Variants in CDK2AP1 observed in about 807,000 individuals in gnomAD.
The protein encoded by CDK2AP1 is cyclin dependent kinase 2 associated protein 1.
A neutral mutation model predicts 14.1 loss-of-function variants in CDK2AP1; 10 were observed. The ratio of observed to expected loss-of-function variants is 0.71; its 90% CI spans 0.44 to 1.20. The LOEUF is 1.20. CDK2AP1 is among the 50% of genes most tolerant of loss of function. The pLI is 0.00. For synonymous variants in CDK2AP1, 59 were observed against 59.8 expected, an observed-to-expected ratio of 0.99 and a Z score of 0.06; for missense variants, 102 against 149.9, an observed-to-expected ratio of 0.68 and a Z score of 1.67.
intron 3 of CDK2AP1, among the ~76,000 whole-genome samples, chr12:123,264,258 A>G (rs1163925057): frequency 6.6e-6 from 1 of 152,172 alleles, no homozygotes; most frequent in African/African-American, 2.4e-5. Flanking sequence ...TGGGAGTTCA[A>G]GACCAGGCTG....
At chr12:123,263,815 C>T (rs2048258450) in intron 3 of CDK2AP1, among the ~76,000 whole-genome samples, 1 of 152,232 alleles carries the variant, frequency 6.6e-6, no homozygotes, top group Non-Finnish European at 1.5e-5. Flanking sequence ...AAGAAAGTTC[C>T]TCTCCCAGGC....
chr12:123,261,814 G>C lies in CDK2AP1; in HGVS notation c.281-11C>G. The C allele has an allele frequency of 6.2e-7, 1 of 1,604,038 alleles. No homozygotes were observed. Among genetic ancestry groups the C allele is most frequent in the Non-Finnish European group, 8.5e-7 (1 of 1,170,696 alleles). On this transcript the variant is annotated splice_polypyrimidine_tract_variant and intron_variant, in intron 3 of 3. Coordinates refer to ENST00000261692, the MANE Select transcript of CDK2AP1 (RefSeq NM_004642.4). ...TAGCGTGAATGATGCCTGAAACAGAGGCAGAGACCTGAGGTCAGCAAGTGC... is the reference window on the plus strand; with the variant it reads ...TAGCGTGAATGATGCCTGAAACAGACGCAGAGACCTGAGGTCAGCAAGTGC...
Position 123,264,462 on chromosome 12 carries a change from CA to C in CDK2AP1, c.280+733del, listed in dbSNP as rs1167157405. Among the ~76,000 whole-genome samples, 628 of 69,754 alleles carry C rather than the reference CA, an allele frequency of 9.0e-3. 2 individuals are homozygous for C. The highest frequency in any genetic ancestry group is 0.061 in the East Asian group (161 of 2,634). 45.8% of individuals were successfully genotyped at this position (69,754 alleles called of 152,430 possible). Reference sequence around the variant, plus strand: ...GCAACAAGAGTAAAACTCCGTCTCCCAAAAAAAAAAAAAAAAAAAAAAAAAA... The same window carrying C: ...GCAACAAGAGTAAAACTCCGTCTCCCAAAAAAAAAAAAAAAAAAAAAAAAA... On this transcript the variant is annotated intron_variant, in intron 3 of 3. Transcript: ENST00000261692.
chr12:123,264,309 A>C (rs919763691), intron 3 of CDK2AP1, among the ~76,000 whole-genome samples: 1 of 151,186 alleles, frequency 6.6e-6, no homozygotes, highest in African/African-American at 2.4e-5. Context: ...AAATACAAAA[A>C]ATTAGACAGG....
In CDK2AP1 at chr12:123,271,578, G is replaced by C; in HGVS notation, c.41C>G (p.Ala14Gly). The change falls in exon 1 of 4, where the codon GCC (alanine) becomes GGC (glycine). Residue 14 changes from alanine (A) to glycine (G), a missense_variant. Transcript: ENST00000261692. ...KPNLAAHMPA[A>G]ALNAAGSVHS... ...GGCTCACTCACCGGCGTTGAGGGCG[G>C]CGGCGGGCATGTGCGCGGCCAAGTT... 9.9e-7 allele frequency: 1 copy of C among 1,011,168 alleles called. No individual in the cohort carries two copies. Among genetic ancestry groups the C allele is most frequent in the Middle Eastern group, 4.1e-4 (1 of 2,450 alleles). 62.6% of individuals were successfully genotyped at this position (1,011,168 alleles called of 1,614,324 possible).
In CDK2AP1 at chr12:123,263,225, AAC is replaced by A. The variant is rs2048252213; in HGVS notation, c.281-1424_281-1423del. Among the ~76,000 whole-genome samples the A allele has an allele frequency of 1.3e-4, 20 of 151,082 alleles. 3 individuals are homozygous for A. The highest frequency in any genetic ancestry group is 1.3e-4 in the Non-Finnish European group (9 of 67,758). On this transcript the variant is annotated intron_variant, in intron 3 of 3. Transcript: ENST00000261692. ...GACTCTGTCTCAAAAAAAAAAAAAA[AAC>A]AAAAAAAAACCACTATTCTTGGCTC...
chr12:123,267,872 C>T (rs75529277), intron 1 of CDK2AP1: 7,464 of 154,014 alleles, frequency 0.048, 323 homozygotes, highest in East Asian at 0.26. Context: ...CCCTCAACCC[C>T]TCTGTGCCTG....
In CDK2AP1 at chr12:123,263,113, C is replaced by G. The variant is rs571631558; in HGVS notation, c.281-1310G>C. Among the ~76,000 whole-genome samples the G allele has an allele frequency of 3.0e-3, 449 of 150,240 alleles. 2 individuals are homozygous for G. Among genetic ancestry groups the G allele is most frequent in the Non-Finnish European group, 4.6e-3 (311 of 67,788 alleles). Reference sequence around the variant, plus strand: ...CCTATAATCCCAGCTACTCGGGAGGCTGAGGCAGAACTGCTTGAACCCGGG... The same window carrying G: ...CCTATAATCCCAGCTACTCGGGAGGGTGAGGCAGAACTGCTTGAACCCGGG... On this transcript the variant is annotated intron_variant, in intron 3 of 3. Transcript: ENST00000261692.
intron 1 of CDK2AP1, among the ~76,000 whole-genome samples, chr12:123,269,854 G>A (rs1350784260): frequency 6.6e-6 from 1 of 152,152 alleles, no homozygotes; most frequent in African/African-American, 2.4e-5. Context: ...GCAAATGGCA[G>A]GAGGGGAGCT....
chr12:123,266,207 G>C (rs565235681), intron 2 of CDK2AP1, among the ~76,000 whole-genome samples: 1 of 152,136 alleles, frequency 6.6e-6, no homozygotes, highest in South Asian at 2.1e-4. Flanking sequence ...TCCTGTCCTC[G>C]TCCTGCTCCG....
Position 123,271,679 on chromosome 12 carries a change from G to C in CDK2AP1, c.-61C>G. ...CCAGGCCGCGAGGGCGGCGGCGGCG[G>C]CGGCGAGGCCGGGCGGTAGCGCTGC... On this transcript the variant is annotated 5_prime_UTR_variant, in exon 1 of 4. Coordinates refer to ENST00000261692, the MANE Select transcript of CDK2AP1 (RefSeq NM_004642.4). The C allele has an allele frequency of 1.5e-6, 1 of 686,252 alleles. No homozygotes were observed. Among genetic ancestry groups the C allele is most frequent in the Non-Finnish European group, 1.8e-6 (1 of 559,416 alleles). The allele number at this position is 686,252 out of a possible 1,614,324, so 42.5% of individuals were successfully genotyped here.
At chr12:123,263,026 C>A (rs2048248771) in intron 3 of CDK2AP1, among the ~76,000 whole-genome samples, 2 of 151,724 alleles carry the variant, frequency 1.3e-5, no homozygotes. Context: ...CCAGCCTGGC[C>A]AACATGGTAC....
rs2048354825 is a variant in CDK2AP1 at position 123,271,660 on chromosome 12, CGCGAGGGCGGCGGCGGCGGCG to C, written c.-63_-43del. ...CGCGCCGGGCGCGGCGGGGCCAGGCCGCGAGGGCGGCGGCGGCGGCGGCGAGGCCGGGCGGTAGCGCTGCAG... is the reference window on the plus strand; with the variant it reads ...CGCGCCGGGCGCGGCGGGGCCAGGCCGCGAGGCCGGGCGGTAGCGCTGCAG... On this transcript the variant is annotated 5_prime_UTR_variant, in exon 1 of 4. Coordinates refer to ENST00000261692, the MANE Select transcript of CDK2AP1 (RefSeq NM_004642.4). The C allele has an allele frequency of 2.3e-6, 2 of 879,192 alleles. No individual in the cohort carries two copies. The highest frequency in any genetic ancestry group is 1.8e-5 in the African/African-American group (1 of 54,388). The allele number at this position is 879,192 out of a possible 1,614,324, so 54.5% of individuals were successfully genotyped here. A position where few individuals can be genotyped will look rare whatever the true frequency, so the allele number is the denominator to read the frequency against.
At chr12:123,269,005 C>A (rs888811806) in intron 1 of CDK2AP1, 2 of 152,326 alleles carry the variant, frequency 1.3e-5, no homozygotes, top group Non-Finnish European at 2.9e-5. Flanking sequence ...AAGATCCCAG[C>A]GCCCTGGCAG....
rs1420427866 is a variant in CDK2AP1 at position 123,265,592 on chromosome 12, A to G, written c.154-270T>C. On this transcript the variant is annotated intron_variant, in intron 2 of 3. Coordinates refer to ENST00000261692, the MANE Select transcript of CDK2AP1 (RefSeq NM_004642.4). The surrounding 1 kb of genome is among the most constrained non-coding windows in gnomAD (Gnocchi z 5.3). Reference sequence around the variant, plus strand: ...GGGCCCCGGGCCGGTCAGGATAGGGAACGCAGCCCAGCCTCAGACTTCTGG... The same window carrying G: ...GGGCCCCGGGCCGGTCAGGATAGGGGACGCAGCCCAGCCTCAGACTTCTGG... 1.3e-5 allele frequency among the ~76,000 whole-genome samples: 2 copies of G among 151,962 alleles called. No homozygotes were observed. Among genetic ancestry groups the G allele is most frequent in the Non-Finnish European group, 2.9e-5 (2 of 68,006 alleles).
intron 3 of CDK2AP1, chr12:123,262,458 C>G (rs2048243881): frequency 6.6e-6 from 1 of 152,224 alleles, no homozygotes; most frequent in African/African-American, 2.4e-5. Flanking sequence ...GGAATGACAT[C>G]CCACATCATC....
At chr12:123,263,001 G>T (rs962938582) in intron 3 of CDK2AP1, among the ~76,000 whole-genome samples, 9 of 151,678 alleles carry the variant, frequency 5.9e-5, no homozygotes, top group African/African-American at 1.9e-4. Context: ...CCCACTTGAG[G>T]TCAGGAGTTT....
chr12:123,270,486 C>T (rs117661481), intron 1 of CDK2AP1, among the ~76,000 whole-genome samples: 1 of 152,130 alleles, frequency 6.6e-6, no homozygotes, highest in East Asian at 1.9e-4. Flanking sequence ...CCACTCCTCT[C>T]CCCGTCGAGT....
intron 3 of CDK2AP1, among the ~76,000 whole-genome samples, chr12:123,263,106 CG>C (rs199821810): frequency 0.016 from 2,346 of 149,510 alleles, 65 homozygotes; most frequent in Admixed American, 0.078. Flanking sequence ...CCCAGCTACT[CG>C]GGAGGCTGAG....
Sources: gnomAD v4.1 joint callset for allele counts (sites outside exome capture counted in the v4.1 genomes callset) on GRCh38, gnomAD v4.1.1 for gene constraint, Gnocchi (gnomAD v3.1) non-coding constraint, MANE v1.5 for transcripts, NCBI Gene and HGNC (gene_info 2026-07-23, HGNC 2026-07-21) for gene names.